ADAMTSL1: variants seen among roughly 807,000 people sequenced by gnomAD.
ADAMTSL1 encodes ADAMTS-like protein 1.
In ADAMTSL1, 126 loss-of-function variants were observed where a neutral mutation model predicts 201.8. That is an observed-to-expected ratio of 0.62 (90% CI 0.54 to 0.72). ADAMTSL1 has a LOEUF of 0.72. ADAMTSL1 is among the 30% of genes least tolerant of loss of function. The probability of loss-of-function intolerance (pLI) is 0.00; values close to 1 mark genes in which losing one functional copy is unlikely to be tolerated. For synonymous variants in ADAMTSL1, 1,121 were observed against 903.4 expected (o/e 1.24, Z -4.32); for missense variants, 2,679 against 2,277.8 (o/e 1.18, Z -3.59).
rs575479323 is a variant in ADAMTSL1 at position 18,437,893 on chromosome 9, C to A, written c.208-66936C>A. On this transcript the variant is annotated intron_variant, in intron 2 of 29. Coordinates refer to the ADAMTSL1 transcript ENST00000680146. ...AAATCCTGATTAAGCATGACTTATG[C>A]CCCCAGCTGTTAACACTGATACACT... 2.6e-5 allele frequency among the ~76,000 whole-genome samples: 4 copies of A among 152,186 alleles called. No individual in the cohort carries two copies. The East Asian group carries it at 7.7e-4, about 29-fold the overall frequency.
chr9:18,030,776 C>T (rs562085934), intron 1 of ADAMTSL1, among the ~76,000 whole-genome samples: 109 of 152,196 alleles, frequency 7.2e-4, no homozygotes, highest in African/African-American at 2.5e-3. Flanking sequence ...CTTACTTTCT[C>T]TCCTTCTCTC....
chr9:18,142,583 A>G (rs1258035446), intron 1 of ADAMTSL1, among the ~76,000 whole-genome samples: 1 of 152,202 alleles, frequency 6.6e-6, no homozygotes, highest in Non-Finnish European at 1.5e-5. Context: ...GGTGCAGCTG[A>G]GAAAACTGAG....
intron 15 of ADAMTSL1, among the ~76,000 whole-genome samples, chr9:18,745,800 A>G (rs999755707): frequency 1.3e-5 from 2 of 152,200 alleles, no homozygotes; most frequent in East Asian, 3.8e-4. Context: ...ACATATTTGT[A>G]ACTCTCTCCT....
chr9:18,389,201 A>G (rs1326211461), intron 2 of ADAMTSL1, among the ~76,000 whole-genome samples: 1 of 151,018 alleles, frequency 6.6e-6, no homozygotes, highest in Non-Finnish European at 1.5e-5. Context: ...TTTTTTTAAG[A>G]AATTGAACAG....
At chr9:18,198,347 G>A (rs71506862) in intron 2 of ADAMTSL1, among the ~76,000 whole-genome samples, 23,510 of 141,448 alleles carry the variant, frequency 0.17, 1,961 homozygotes, top group East Asian at 0.22. Flanking sequence ...GAAAATTTTC[G>A]CAACCTACTC....
intron 1 of ADAMTSL1, among the ~76,000 whole-genome samples, chr9:17,978,584 T>C (rs765282970): frequency 6.6e-5 from 10 of 151,688 alleles, no homozygotes; most frequent in African/African-American, 9.8e-5. Context: ...TATTTCTCCC[T>C]CCACATTTTA....
At chr9:18,047,423 C>T (rs1277466357) in intron 1 of ADAMTSL1, among the ~76,000 whole-genome samples, 1 of 152,062 alleles carries the variant, frequency 6.6e-6, no homozygotes, top group Non-Finnish European at 1.5e-5. Context: ...ACAGGACAAG[C>T]CTCTATAACA....
chr9:18,765,694 T>C (rs1176244119), intron 16 of ADAMTSL1, among the ~76,000 whole-genome samples: 1 of 152,218 alleles, frequency 6.6e-6, no homozygotes, highest in Admixed American at 6.5e-5. Flanking sequence ...TTATTAAAGA[T>C]GTAATGATAT....
intron 7 of ADAMTSL1, among the ~76,000 whole-genome samples, chr9:18,649,212 T>A (rs968269834): frequency 6.6e-6 from 1 of 152,254 alleles, no homozygotes; most frequent in African/African-American, 2.4e-5. Context: ...CTCCACGTAG[T>A]TCTCGCGCCT....
chr9:18,479,347 A>T (rs964765588), intron 1 of ADAMTSL1, among the ~76,000 whole-genome samples: 1 of 152,320 alleles, frequency 6.6e-6, no homozygotes, highest in East Asian at 1.9e-4. Context: ...TTTCCCAAGA[A>T]ACTCAGTATT....
At chr9:18,616,851 C>T (rs1335091709) in intron 4 of ADAMTSL1, among the ~76,000 whole-genome samples, 1 of 152,064 alleles carries the variant, frequency 6.6e-6, no homozygotes, top group Non-Finnish European at 1.5e-5. Context: ...AAAGGTTAAG[C>T]ATAAGCAAAT....
intron 5 of ADAMTSL1, among the ~76,000 whole-genome samples, chr9:18,628,400 C>A (rs1056215580): frequency 1.3e-5 from 2 of 152,172 alleles, no homozygotes; most frequent in African/African-American, 2.4e-5. Flanking sequence ...TGCCGTTTCT[C>A]TGAGGGTCTG....
intron 26 of ADAMTSL1, among the ~76,000 whole-genome samples, chr9:18,894,619 GA>G (rs200582399): frequency 4.6e-5 from 7 of 151,652 alleles, no homozygotes; most frequent in East Asian, 1.9e-4. Flanking sequence ...TAGGAATACA[GA>G]AAAAAAAGAG....
chr9:18,275,834 T>C (rs1832566089), intron 2 of ADAMTSL1, among the ~76,000 whole-genome samples: 1 of 152,162 alleles, frequency 6.6e-6, no homozygotes, highest in Non-Finnish European at 1.5e-5. Flanking sequence ...TGTGTGCAGG[T>C]CTTTATGTAG....
chr9:18,208,264 G>A (rs1021782699), intron 2 of ADAMTSL1, among the ~76,000 whole-genome samples: 5 of 152,158 alleles, frequency 3.3e-5, no homozygotes, highest in Admixed American at 1.3e-4. Flanking sequence ...AAGAGGCTAT[G>A]AGTCCCAAGT....
intron 1 of ADAMTSL1, among the ~76,000 whole-genome samples, chr9:17,952,100 C>T (rs2131375432): frequency 6.6e-6 from 1 of 151,064 alleles, no homozygotes. Context: ...CCATGCCTGG[C>T]TAATTGGTTT....
intron 23 of ADAMTSL1, among the ~76,000 whole-genome samples, chr9:18,849,798 A>T (rs1826364119): frequency 6.6e-6 from 1 of 152,230 alleles, no homozygotes. Flanking sequence ...TGCTATTAAG[A>T]AGAAAGGTCA....
chr9:18,147,242 C>G (rs1826685018), intron 1 of ADAMTSL1, among the ~76,000 whole-genome samples: 1 of 151,946 alleles, frequency 6.6e-6, no homozygotes, highest in Non-Finnish European at 1.5e-5. Flanking sequence ...TATAGAAAAC[C>G]TAGACTAATT....
At chr9:18,357,638 A>G (rs1342828958) in intron 2 of ADAMTSL1, among the ~76,000 whole-genome samples, 1 of 152,106 alleles carries the variant, frequency 6.6e-6, no homozygotes, top group African/African-American at 2.4e-5. Context: ...CTTTATCTGA[A>G]TTGTATTCTT....
Sources: allele counts gnomAD v4.1 joint callset (sites outside exome capture counted in the v4.1 genomes callset), GRCh38; gene constraint gnomAD v4.1.1; transcripts MANE v1.5; gene names NCBI Gene and HGNC (gene_info 2026-07-23, HGNC 2026-07-21).